PCDHGA10: variants seen among roughly 807,000 people sequenced by gnomAD.
PCDHGA10 encodes the protein protocadherin gamma subfamily A, 10, also known as protocadherin gamma-A10.
In PCDHGA10, 42 loss-of-function variants were observed where a neutral mutation model predicts 59.5. The observed-to-expected ratio is 0.71, with a 90% CI of 0.55 to 0.91. The LOEUF (loss-of-function observed/expected upper bound fraction) is 0.91, where lower values mean the gene tolerates loss of function less well. PCDHGA10 is among the 40% of genes least tolerant of loss of function. PCDHGA10 has a pLI of 0.00. For missense variants in PCDHGA10, 1,111 were observed against 1,198.2 expected, an observed-to-expected ratio of 0.93 and a Z score of 1.07; for synonymous variants, 511 against 517.2, an observed-to-expected ratio of 0.99 and a Z score of 0.16.
intron 1 of PCDHGA10, chr5:141,417,773 T>C: frequency 6.9e-7 from 1 of 1,458,374 alleles, no homozygotes; most frequent in South Asian, 1.4e-5. Context: ...GGACTCCTCC[T>C]GTCCTGGGCC....
In PCDHGA10 at chr5:141,491,634, C is replaced by T; in HGVS notation, c.2437-3173C>T. On this transcript the variant is annotated intron_variant, in intron 1 of 3. Coordinates refer to ENST00000398610, the MANE Select transcript of PCDHGA10 (RefSeq NM_018913.3). This position sits in a 1 kb window ranked among gnomAD's most constrained non-coding sequence, Gnocchi z 6.9. ...TAAGACCCCTCAGCGTTCAGCAGCC[C>T]ACAGCTCTGGCGCTGGAGCCTGACG... 1 of 1,613,892 alleles carries T rather than the reference C, an allele frequency of 6.2e-7. No individual in the cohort carries two copies. Among genetic ancestry groups the T allele is most frequent in the South Asian group, 1.1e-5 (1 of 91,084 alleles).
chr5:141,472,263 C>T (rs978647191), intron 1 of PCDHGA10, among the ~76,000 whole-genome samples: 7 of 152,144 alleles, frequency 4.6e-5, no homozygotes, highest in South Asian at 2.1e-4. Flanking sequence ...ATATTATAGC[C>T]GGGCACAGTG....
chr5:141,414,793 G>A lies in PCDHGA10; in HGVS notation c.1618G>A (p.Asp540Asn), dbSNP rs756653393. The change falls in exon 1 of 4, where the codon GAC becomes AAC. Residue 540 changes from aspartate (D) to asparagine (N), a missense_variant. Asp to Asn is a conservative substitution (Grantham distance 23). Transcript: ENST00000398610. ...HELQMQVTAS[D>N]SGDPPLSSNV... ...GCTACAGATGCAGGTGACAGCCAGCGACAGCGGGGATCCTCCACTCAGCAG... is the reference window on the plus strand; with the variant it reads ...GCTACAGATGCAGGTGACAGCCAGCAACAGCGGGGATCCTCCACTCAGCAG... 2.5e-6 allele frequency: 4 copies of A among 1,614,100 alleles called. No individual in the cohort carries two copies. The African/African-American group carries it at 4.0e-5, about 16-fold the overall frequency.
At chr5:141,427,397 T>C (rs944166415) in intron 1 of PCDHGA10, 2 of 460,626 alleles carry the variant, frequency 4.3e-6, no homozygotes, top group South Asian at 1.5e-5. Flanking sequence ...AAACACATGA[T>C]AAAGATTCGA....
chr5:141,496,992 C>T (rs1055856428), intron 2 of PCDHGA10, among the ~76,000 whole-genome samples: 2 of 151,918 alleles, frequency 1.3e-5, no homozygotes, highest in African/African-American at 2.4e-5. Context: ...TTGAGACCAG[C>T]CTGGCAGCCA....
chr5:141,427,810 G>A (rs2097074260), intron 1 of PCDHGA10: 1 of 1,523,990 alleles, frequency 6.6e-7, no homozygotes, highest in Non-Finnish European at 9.0e-7. Flanking sequence ...AGCGCACAGA[G>A]CGGGGTGGTG....
chr5:141,501,971 G>A (rs2099812098), intron 2 of PCDHGA10, among the ~76,000 whole-genome samples: 1 of 151,956 alleles, frequency 6.6e-6, no homozygotes. Context: ...CCTAACCTCT[G>A]GCATCTGGTC....
intron 1 of PCDHGA10, among the ~76,000 whole-genome samples, chr5:141,445,447 A>G (rs974383838): frequency 3.4e-4 from 51 of 152,222 alleles, no homozygotes; most frequent in Admixed American, 1.3e-3. Flanking sequence ...TGGACTAAGG[A>G]TGCAGCAATG....
chr5:141,432,286 C>T lies in PCDHGA10; in HGVS notation c.2436+16675C>T. ...TATCGTCCTACGTGTCCATCAACTCCGACACTGGGGTACTGTATGCGCTGA... is the reference window on the plus strand; with the variant it reads ...TATCGTCCTACGTGTCCATCAACTCTGACACTGGGGTACTGTATGCGCTGA... On this transcript the variant is annotated intron_variant, in intron 1 of 3. Transcript: ENST00000398610. This position sits in a 1 kb window ranked among gnomAD's most constrained non-coding sequence, Gnocchi z 6.0. 3 of 1,614,252 alleles carry T rather than the reference C, an allele frequency of 1.9e-6. No homozygotes were observed. Among genetic ancestry groups the T allele is most frequent in the Non-Finnish European group, 2.5e-6 (3 of 1,180,048 alleles).
Position 141,414,606 on chromosome 5 carries a change from A to C in PCDHGA10, c.1431A>C (p.Ser477=). The change falls in exon 1 of 4, where the codon TCA becomes TCC. Residue 477 remains serine, a synonymous_variant. Coordinates refer to ENST00000398610, the MANE Select transcript of PCDHGA10 (RefSeq NM_018913.3). ...ACGCCAGGGGTGCCTCCATCTTCTC[A>C]GTGACAGCGCTGGACCCGGACAGCA... ...ENNARGASIF[S]VTALDPDSKE... is the part of the protein sequence containing the mutation. The C allele has an allele frequency of 6.2e-7, 1 of 1,613,944 alleles. No homozygotes were observed. Among genetic ancestry groups the C allele is most frequent in the Non-Finnish European group, 8.5e-7 (1 of 1,179,888 alleles).
In PCDHGA10 at chr5:141,432,218, A is replaced by T. The variant is rs570925415; in HGVS notation, c.2436+16607A>T. On this transcript the variant is annotated intron_variant, in intron 1 of 3. Transcript: ENST00000398610. This position sits in a 1 kb window ranked among gnomAD's most constrained non-coding sequence, Gnocchi z 6.0. Reference sequence around the variant, plus strand: ...CCCCGACTGTGAAGAGAACGCCCAGATCACTTATTCCCTGGCTGAGAACAC... The same window carrying T: ...CCCCGACTGTGAAGAGAACGCCCAGTTCACTTATTCCCTGGCTGAGAACAC... The T allele has an allele frequency of 6.2e-7, 1 of 1,614,148 alleles. No homozygotes were observed. The highest frequency in any genetic ancestry group is 1.3e-5 in the African/African-American group (1 of 75,030).
At chr5:141,463,261 T>G (rs552225283) in intron 1 of PCDHGA10, among the ~76,000 whole-genome samples, 29 of 152,134 alleles carry the variant, frequency 1.9e-4, no homozygotes, top group African/African-American at 6.3e-4. Context: ...TAGTACTCTA[T>G]CCCATAAATT....
At chr5:141,417,007 C>A (rs1204390468) in intron 1 of PCDHGA10, 1 of 148,406 alleles carries the variant, frequency 6.7e-6, no homozygotes, top group Non-Finnish European at 1.5e-5. Flanking sequence ...TCAAATAATT[C>A]TATTATTTTG....
intron 1 of PCDHGA10, chr5:141,484,911 T>G (rs2154580253): frequency 9.3e-6 from 4 of 432,018 alleles, no homozygotes; most frequent in South Asian, 3.3e-5. Context: ...CTGCGACGCA[T>G]TAACCCTGCT....
rs2099606006 is a variant in PCDHGA10, at chr5:141,485,058, G to A, written c.2437-9749G>A. Reference sequence around the variant, plus strand: ...TAACCCTTGCGGCGCCGGCCGAACCGCGCCAGAGCTGGCGCGGGGAAAGGG... The same window carrying A: ...TAACCCTTGCGGCGCCGGCCGAACCACGCCAGAGCTGGCGCGGGGAAAGGG... On this transcript the variant is annotated intron_variant, in intron 1 of 3. Coordinates refer to ENST00000398610, the MANE Select transcript of PCDHGA10 (RefSeq NM_018913.3). The surrounding 1 kb of genome is among the most constrained non-coding windows in gnomAD (Gnocchi z 5.7). 1 of 848,828 alleles carries A rather than the reference G, an allele frequency of 1.2e-6. No individual in the cohort carries two copies. The highest frequency in any genetic ancestry group is 1.9e-6 in the Non-Finnish European group (1 of 529,084). The allele number at this position is 848,828 out of a possible 1,614,324, so 52.6% of individuals were successfully genotyped here.
intron 1 of PCDHGA10, chr5:141,423,852 GT>G (rs971165220): frequency 2.5e-5 from 32 of 1,279,282 alleles, no homozygotes; most frequent in Non-Finnish European, 3.0e-5. Context: ...CTTTCAGAAC[GT>G]TTTTGTGAAA....
chr5:141,439,150 G>A (rs971023726), intron 1 of PCDHGA10, among the ~76,000 whole-genome samples: 7 of 149,122 alleles, frequency 4.7e-5, no homozygotes, highest in South Asian at 2.1e-4. Flanking sequence ...CTGAGATCAC[G>A]CCACTGCACT....
chr5:141,430,033 C>T (rs556099456), intron 1 of PCDHGA10, among the ~76,000 whole-genome samples: 1 of 152,066 alleles, frequency 6.6e-6, no homozygotes, highest in Non-Finnish European at 1.5e-5. Context: ...AAGTGTGATT[C>T]TGATAATGTA....
At chr5:141,458,645 C>T (rs1162232847) in intron 1 of PCDHGA10, among the ~76,000 whole-genome samples, 2 of 152,170 alleles carry the variant, frequency 1.3e-5, no homozygotes, top group Non-Finnish European at 2.9e-5. Flanking sequence ...TCCCAGCTCA[C>T]TGCAACCTCC....
Sources: gnomAD v4.1 joint callset for allele counts (sites outside exome capture counted in the v4.1 genomes callset) on GRCh38, gnomAD v4.1.1 for gene constraint, Gnocchi (gnomAD v3.1) non-coding constraint, MANE v1.5 for transcripts, NCBI Gene and HGNC (gene_info 2026-07-23, HGNC 2026-07-21) for gene names.